TYR: variants seen among roughly 807,000 people sequenced by gnomAD.
The protein encoded by TYR is LB24-AB.
In TYR, 58 loss-of-function variants were observed where a neutral mutation model predicts 51.5. The observed-to-expected ratio is 1.13, with a 90% CI of 0.91 to 1.40. The LOEUF is 1.40. Ranked by LOEUF, TYR falls within the 40% of genes most tolerant of loss-of-function variation. The probability of loss-of-function intolerance (pLI) is 0.00; values close to 1 mark genes in which losing one functional copy is unlikely to be tolerated. For missense variants in TYR, 732 were observed against 647.4 expected (o/e 1.13, Z -1.42); for synonymous variants, 263 against 235.2 (o/e 1.12, Z -1.08).
intron 2 of TYR, among the ~76,000 whole-genome samples, chr11:89,202,038 G>A (rs903886806): frequency 6.6e-6 from 1 of 152,074 alleles, no homozygotes; most frequent in Non-Finnish European, 1.5e-5. Context: ...GGCAGTGGAA[G>A]TGGGGGTGTT....
At chr11:89,212,390 G>T (rs746623703) in intron 2 of TYR, among the ~76,000 whole-genome samples, 55 of 152,112 alleles carry the variant, frequency 3.6e-4, no homozygotes, top group Non-Finnish European at 6.8e-4. Flanking sequence ...AAACCAGGAA[G>T]AAGTTGAATC....
chr11:89,224,980 G>T (rs1216730698), intron 2 of TYR, among the ~76,000 whole-genome samples: 1 of 151,384 alleles, frequency 6.6e-6, no homozygotes, highest in Admixed American at 6.6e-5. Flanking sequence ...GCTCAAATGA[G>T]TTCAAAAAGA....
At chr11:89,189,661 C>T (rs1021551885) in intron 1 of TYR, among the ~76,000 whole-genome samples, 6 of 152,046 alleles carry the variant, frequency 3.9e-5, no homozygotes, top group Non-Finnish European at 8.8e-5. Context: ...CAGCACTTGG[C>T]ACAGTGCTTA....
At chr11:89,223,468 A>G (rs959516346) in intron 2 of TYR, among the ~76,000 whole-genome samples, 2 of 152,140 alleles carry the variant, frequency 1.3e-5, no homozygotes, top group African/African-American at 4.8e-5. Flanking sequence ...GTTTGTTCAC[A>G]TTTTTATATT....
chr11:89,292,955 T>C (rs762790576), intron 4 of TYR, among the ~76,000 whole-genome samples: 1 of 151,776 alleles, frequency 6.6e-6, no homozygotes, highest in Admixed American at 6.6e-5. Context: ...TAAATGTCCA[T>C]TAAATTAAGT....
intron 2 of TYR, among the ~76,000 whole-genome samples, chr11:89,212,689 A>G (rs1943775932): frequency 6.6e-6 from 1 of 152,230 alleles, no homozygotes; most frequent in Non-Finnish European, 1.5e-5. Context: ...AAAATCCTCA[A>G]TAAAATACTG....
Position 89,191,418 on chromosome 11 carries a change from G to T in TYR, c.1036G>T (p.Gly346Ter), listed in dbSNP as rs1013801316. Residue 346 changes from glycine (G) to a stop codon, truncating the protein, a stop_gained and splice_region_variant, in exon 2 of 5, where the codon GGA becomes TGA. Coordinates refer to ENST00000263321, the MANE Select transcript of TYR (RefSeq NM_000372.5). LOFTEE classifies it high-confidence loss of function. ...TTTCAGCTTTAGAAATACACTGGAA[G>T]GTAATCTCTTTCTTTTCACTTTTAA... The part of the protein sequence containing the change: ...ANFSFRNTLE[G>*]FASPLTGIAD... 7 of 1,612,386 alleles carry T rather than the reference G, an allele frequency of 4.3e-6. No individual in the cohort carries two copies. Among genetic ancestry groups the T allele is most frequent in the Non-Finnish European group, 5.9e-6 (7 of 1,178,802 alleles).
At chr11:89,271,753 G>A (rs777487850) in intron 3 of TYR, among the ~76,000 whole-genome samples, 20 of 151,936 alleles carry the variant, frequency 1.3e-4, no homozygotes, top group Non-Finnish European at 2.8e-4. Flanking sequence ...CAAATATGGA[G>A]TCAATCCTCT....
chr11:89,218,370 AC>A (rs994353181), intron 2 of TYR, among the ~76,000 whole-genome samples: 3 of 152,192 alleles, frequency 2.0e-5, no homozygotes, highest in Admixed American at 2.0e-4. Flanking sequence ...CCCTCTTGAA[AC>A]TTAATATAAT....
intron 1 of TYR, among the ~76,000 whole-genome samples, chr11:89,184,660 CAG>C (rs1455785932): frequency 6.6e-6 from 1 of 152,050 alleles, no homozygotes; most frequent in African/African-American, 2.4e-5. Context: ...TTTGTTGAAA[CAG>C]AAATTATTTG....
Position 89,250,740 on chromosome 11 carries a change from C to T in TYR, c.1184+22770C>T, listed in dbSNP as rs111658497. Among the ~76,000 whole-genome samples, 324 of 151,908 alleles carry T rather than the reference C, an allele frequency of 2.1e-3. 3 individuals carry two copies. Among genetic ancestry groups the T allele is most frequent in the African/African-American group, 7.5e-3 (313 of 41,500 alleles). The stretch of plus-strand genomic sequence containing the variant: ...TCATATAAAGATACCAGTCATATTG[C>T]ATTAGGGTTCACCCTAATAAGGTCT... On this transcript the variant is annotated intron_variant, in intron 3 of 4. Coordinates refer to ENST00000263321, the MANE Select transcript of TYR (RefSeq NM_000372.5).
intron 3 of TYR, among the ~76,000 whole-genome samples, chr11:89,244,152 A>G (rs1458075862): frequency 6.6e-6 from 1 of 152,180 alleles, no homozygotes; most frequent in East Asian, 1.9e-4. Flanking sequence ...CAAACATACA[A>G]AAGGGTAGAG....
chr11:89,196,765 G>A (rs1346202359), intron 2 of TYR, among the ~76,000 whole-genome samples: 1 of 152,028 alleles, frequency 6.6e-6, no homozygotes, highest in Non-Finnish European at 1.5e-5. Flanking sequence ...ATGCCCATTG[G>A]GATAACACCA....
chr11:89,231,255 A>G (rs1190469988), intron 3 of TYR, among the ~76,000 whole-genome samples: 1 of 151,964 alleles, frequency 6.6e-6, no homozygotes. Context: ...AAAACATAGC[A>G]GTTTCTTAAA....
At chr11:89,188,854 T>G (rs1943408044) in intron 1 of TYR, among the ~76,000 whole-genome samples, 1 of 151,806 alleles carries the variant, frequency 6.6e-6, no homozygotes, top group African/African-American at 2.4e-5. Context: ...AAGAGGCCAG[T>G]GAAGTTATAG....
At chr11:89,286,602 G>T (rs1213061999) in intron 4 of TYR, among the ~76,000 whole-genome samples, 1 of 151,766 alleles carries the variant, frequency 6.6e-6, no homozygotes, top group East Asian at 1.9e-4. Context: ...AACAGGAGAG[G>T]CTATAGGTCA....
At chr11:89,274,110 A>C (rs1361963563) in intron 3 of TYR, among the ~76,000 whole-genome samples, 3 of 151,928 alleles carry the variant, frequency 2.0e-5, no homozygotes, top group African/African-American at 7.2e-5. Context: ...AGAAGAGTGG[A>C]GCACATGAAG....
chr11:89,214,040 A>G (rs979184677), intron 2 of TYR, among the ~76,000 whole-genome samples: 1 of 152,146 alleles, frequency 6.6e-6, no homozygotes, highest in Non-Finnish European at 1.5e-5. Flanking sequence ...AGACTTCATG[A>G]CTAAAACACC....
intron 3 of TYR, among the ~76,000 whole-genome samples, chr11:89,282,651 T>C (rs1317229308): frequency 6.6e-6 from 1 of 151,842 alleles, no homozygotes; most frequent in African/African-American, 2.4e-5. Context: ...CATAGGACTT[T>C]AATAAAATTT....
Sources: gnomAD v4.1 joint callset for allele counts (sites outside exome capture counted in the v4.1 genomes callset) on GRCh38, gnomAD v4.1.1 for gene constraint, MANE v1.5 for transcripts, NCBI Gene and HGNC (gene_info 2026-07-23, HGNC 2026-07-21) for gene names.